Variants in RET observed in about 807,000 individuals in gnomAD.
RET encodes proto-oncogene tyrosine-protein kinase receptor Ret.
In RET, 19 loss-of-function variants were observed where a neutral mutation model predicts 118.3. That is an observed-to-expected ratio of 0.16 (90% CI 0.11 to 0.24). The LOEUF is 0.24. Among genes scored for constraint, RET ranks in the 10% least tolerant of loss-of-function variants. The probability of loss-of-function intolerance (pLI) is 1.00; values close to 1 mark genes in which losing one functional copy is unlikely to be tolerated. For missense variants in RET, 1,219 were observed against 1,502.1 expected (o/e 0.81, Z 3.12); for synonymous variants, 597 against 644.1 (o/e 0.93, Z 1.11).
chr10:43,101,887 A>G (rs986922701), intron 2 of RET, among the ~76,000 whole-genome samples: 21 of 152,230 alleles, frequency 1.4e-4, no homozygotes, highest in African/African-American at 5.1e-4. Context: ...AGGCTGGGAA[A>G]GCCCTCGCAG....
intron 3 of RET, 45 bp downstream of exon 3, chr10:43,102,674 C>T: frequency 6.2e-7 from 1 of 1,610,262 alleles, no homozygotes; most frequent in Non-Finnish European, 8.5e-7. Context: ...CCTGCTACTG[C>T]TGGTCTTGCT....
intron 1 of RET, among the ~76,000 whole-genome samples, chr10:43,088,221 G>A (rs1310006672): frequency 6.6e-6 from 1 of 151,310 alleles, no homozygotes; most frequent in Non-Finnish European, 1.5e-5. Flanking sequence ...GAATGGTGGT[G>A]GTGGAGGCAA....
intron 4 of RET, 145 bp downstream of exon 4, chr10:43,105,338 T>A: frequency 7.7e-7 from 1 of 1,305,232 alleles, no homozygotes; most frequent in Non-Finnish European, 1.1e-6. Context: ...GTCTGCGCCG[T>A]CTGTCCTAGG....
At chr10:43,107,274 GC>G (rs1431409601) in intron 5 of RET, among the ~76,000 whole-genome samples, 2 of 152,124 alleles carry the variant, frequency 1.3e-5, no homozygotes, top group Admixed American at 6.5e-5. Flanking sequence ...GCCTATGGAG[GC>G]CCCACTTGTC....
intron 1 of RET, among the ~76,000 whole-genome samples, chr10:43,077,547 G>A (rs1345667054): frequency 6.7e-6 from 1 of 150,356 alleles, no homozygotes; most frequent in African/African-American, 2.4e-5. Context: ...GGGGCTGGGC[G>A]GGTCTCGGGC....
intron 6 of RET, among the ~76,000 whole-genome samples, chr10:43,110,924 A>G (rs1280077035): frequency 1.3e-5 from 2 of 152,100 alleles, no homozygotes; most frequent in Non-Finnish European, 2.9e-5. Context: ...TTTTCCTGCC[A>G]CCAAACTGAA....
Position 43,130,027 on chromosome 10 carries a change from C to T in RET, c.*1758C>T. On this transcript the variant is annotated 3_prime_UTR_variant, in exon 20 of 20. Coordinates refer to ENST00000355710, the MANE Select transcript of RET (RefSeq NM_020975.6). ...TGAATTGCTGCAACAGGTTTGTTCT[C>T]AGGAGGGTAAGAACTCCAGGTCTAA... The T allele has an allele frequency of 2.5e-6, 1 of 398,726 alleles. No individual in the cohort carries two copies. 24.7% of individuals were successfully genotyped at this position (398,726 alleles called of 1,614,324 possible).
intron 1 of RET, among the ~76,000 whole-genome samples, chr10:43,086,228 C>T (rs1343662902): frequency 6.6e-6 from 1 of 152,218 alleles, no homozygotes; most frequent in Non-Finnish European, 1.5e-5. Context: ...CTCATGGTCC[C>T]TACCTCTGAC....
chr10:43,084,314 G>A (rs186865295), intron 1 of RET, among the ~76,000 whole-genome samples: 1 of 152,332 alleles, frequency 6.6e-6, no homozygotes, highest in Non-Finnish European at 1.5e-5. Flanking sequence ...GTTGAATTGT[G>A]TTACATTCCC....
chr10:43,129,506 T>C lies in RET; in HGVS notation c.*1237T>C, dbSNP rs1157479719. The C allele has an allele frequency of 1.7e-5, 4 of 235,192 alleles. No homozygotes were observed. Among genetic ancestry groups the C allele is most frequent in the Non-Finnish European group, 3.4e-5 (4 of 119,264 alleles). 14.6% of individuals were successfully genotyped at this position (235,192 alleles called of 1,614,324 possible). A position where few individuals can be genotyped will look rare whatever the true frequency, so the allele number is the denominator to read the frequency against. ...CTTCTTGTCATTCTTCATTGCTTGTTTGTGGTCACAGATGCACAACACTCC... is the reference window on the plus strand; with the variant it reads ...CTTCTTGTCATTCTTCATTGCTTGTCTGTGGTCACAGATGCACAACACTCC... On this transcript the variant is annotated 3_prime_UTR_variant, in exon 20 of 20. Coordinates refer to ENST00000355710, the MANE Select transcript of RET (RefSeq NM_020975.6).
At chr10:43,084,530 C>T (rs772731586) in intron 1 of RET, among the ~76,000 whole-genome samples, 6 of 152,214 alleles carry the variant, frequency 3.9e-5, no homozygotes, top group Non-Finnish European at 5.9e-5. Context: ...TCTCTTCGAG[C>T]CCTCTGCCTG....
intron 1 of RET, among the ~76,000 whole-genome samples, chr10:43,077,763 C>A (rs375438940): frequency 6.6e-6 from 1 of 152,242 alleles, no homozygotes; most frequent in Non-Finnish European, 1.5e-5. Flanking sequence ...GAGACGGCTC[C>A]GTCCTGGTTT....
chr10:43,091,965 C>T (rs1352642971), intron 1 of RET, among the ~76,000 whole-genome samples: 2 of 152,106 alleles, frequency 1.3e-5, no homozygotes, highest in Non-Finnish European at 2.9e-5. Context: ...GAGCTGACTT[C>T]GGCTCCAGCA....
Position 43,085,754 on chromosome 10 carries a change from A to G in RET, c.73+8423A>G, listed in dbSNP as rs1029185966. 7.7e-5 allele frequency among the ~76,000 whole-genome samples: 7 copies of G among 91,172 alleles called. No homozygotes were observed. The East Asian group carries it at 1.8e-3, about 24-fold the overall frequency. The allele number at this position is 91,172 out of a possible 152,430, so 59.8% of individuals were successfully genotyped here. On this transcript the variant is annotated intron_variant, in intron 1 of 19. Coordinates refer to ENST00000355710, the MANE Select transcript of RET (RefSeq NM_020975.6). ...CTTCCCTGGGCATCCCCTTCCCTGC[A>G]TGGCATCCCCAGCCTTGGGTTTGGA...
chr10:43,094,729 GA>G (rs1332419677), intron 1 of RET, among the ~76,000 whole-genome samples: 22 of 152,224 alleles, frequency 1.4e-4, no homozygotes, highest in Non-Finnish European at 7.3e-5. Flanking sequence ...GAGGGTGCAG[GA>G]AAATGTGTGT....
intron 1 of RET, among the ~76,000 whole-genome samples, chr10:43,089,556 T>A (rs755486215): frequency 1.3e-5 from 2 of 152,220 alleles, no homozygotes; most frequent in Non-Finnish European, 2.9e-5. Flanking sequence ...GAAGTGCATG[T>A]CCGTTCTTTC....
chr10:43,127,765 G>A (rs759039778), intron 19 of RET, among the ~76,000 whole-genome samples: 2 of 152,134 alleles, frequency 1.3e-5, no homozygotes, highest in Non-Finnish European at 2.9e-5. Context: ...TTTATAGAAC[G>A]TTTCCGCTGC....
chr10:43,077,358 G>T, intron 1 of RET, 27 bp downstream of exon 1: 1 of 1,502,770 alleles, frequency 6.7e-7, no homozygotes, highest in Non-Finnish European at 8.8e-7. Flanking sequence ...GCCGGCTCCC[G>T]CAGGGGCCAG....
intron 10 of RET, among the ~76,000 whole-genome samples, 171 bp downstream of exon 10, chr10:43,113,846 C>T (rs940112690): frequency 1.8e-4 from 27 of 152,168 alleles, no homozygotes; most frequent in African/African-American, 5.5e-4. Flanking sequence ...GGGCCAGGGC[C>T]CCTGTAAAGT....
Sources: allele counts gnomAD v4.1 joint callset (sites outside exome capture counted in the v4.1 genomes callset), GRCh38; gene constraint gnomAD v4.1.1; transcripts MANE v1.5; gene names NCBI Gene and HGNC (gene_info 2026-07-23, HGNC 2026-07-21).